The following CFAP20DC variants were observed in gnomAD, a reference collection of about 807,000 sequenced individuals.
CFAP20DC encodes protein CFAP20DC.
CFAP20DC carries 84 observed loss-of-function variants against 101.7 expected under a neutral mutation model. The observed-to-expected ratio is 0.83, with a 90% CI of 0.69 to 0.99. The LOEUF is 0.99. Among genes scored for constraint, CFAP20DC ranks in the 50% least tolerant of loss-of-function variants. The probability of loss-of-function intolerance (pLI) is 0.00; values close to 1 mark genes in which losing one functional copy is unlikely to be tolerated. For synonymous variants in CFAP20DC, 359 were observed against 351.2 expected, an observed-to-expected ratio of 1.02 and a Z score of -0.25; for missense variants, 1,007 against 970.3, an observed-to-expected ratio of 1.04 and a Z score of -0.50.
At chr3:58,990,362 T>A (rs1035549679) in intron 4 of CFAP20DC, among the ~76,000 whole-genome samples, 4 of 152,232 alleles carry the variant, frequency 2.6e-5, no homozygotes, top group Admixed American at 2.0e-4. Context: ...TGGTTTTGTA[T>A]ACGTGTATTA....
intron 15 of CFAP20DC, among the ~76,000 whole-genome samples, chr3:58,786,434 C>A (rs568231163): frequency 1.3e-5 from 2 of 152,238 alleles, no homozygotes; most frequent in African/African-American, 4.8e-5. Context: ...TGAGGTCAAT[C>A]ATGGTCCAAA....
At chr3:58,800,695 C>T (rs1196554175) in intron 15 of CFAP20DC, among the ~76,000 whole-genome samples, 1 of 151,984 alleles carries the variant, frequency 6.6e-6, no homozygotes, top group Admixed American at 6.6e-5. Flanking sequence ...TTACCAGTGC[C>T]TATGGATCTT....
At chr3:59,026,364 A>G (rs550355013) in intron 4 of CFAP20DC, among the ~76,000 whole-genome samples, 1 of 152,328 alleles carries the variant, frequency 6.6e-6, no homozygotes, top group Admixed American at 6.5e-5. Flanking sequence ...TGGTGACATA[A>G]AAGATTTCAC....
At chr3:58,809,713 T>C (rs935780660) in intron 14 of CFAP20DC, among the ~76,000 whole-genome samples, 4 of 152,128 alleles carry the variant, frequency 2.6e-5, no homozygotes, top group South Asian at 4.2e-4. Flanking sequence ...AGAGCAGGAC[T>C]GAGGGAAATA....
At chr3:58,764,898 T>A (rs1248983519) in intron 15 of CFAP20DC, among the ~76,000 whole-genome samples, 2 of 152,166 alleles carry the variant, frequency 1.3e-5, no homozygotes, top group African/African-American at 4.8e-5. Context: ...TATTGAGTAC[T>A]CTGCAAGAAG....
Position 58,890,321 on chromosome 3 carries a change from C to T in CFAP20DC, c.551-5612G>A, listed in dbSNP as rs555252170. ...TCCGGGCGGGGGGCTGACCCCCCCA[C>T]CTCCCTCCCGGACGGGGCGGCTGGC... On this transcript the variant is annotated intron_variant, in intron 6 of 16. Coordinates refer to ENST00000482387, the MANE Select transcript of CFAP20DC (RefSeq NM_001394063.1). 3.5e-3 allele frequency among the ~76,000 whole-genome samples: 507 copies of T among 145,544 alleles called. 2 individuals carry two copies. Among genetic ancestry groups the T allele is most frequent in the Admixed American group, 5.2e-3 (77 of 14,872 alleles).
intron 6 of CFAP20DC, among the ~76,000 whole-genome samples, chr3:58,900,821 C>T (rs1004941284): frequency 6.6e-6 from 1 of 152,220 alleles, no homozygotes; most frequent in Admixed American, 6.5e-5. Context: ...TTTCTTTGGC[C>T]ATAAAGCCAT....
intron 3 of CFAP20DC, among the ~76,000 whole-genome samples, chr3:58,718,488 T>C (rs1251338787): frequency 6.6e-6 from 1 of 152,170 alleles, no homozygotes; most frequent in African/African-American, 2.4e-5. Context: ...CTGTCCACTC[T>C]GGGGCACCTG....
At chr3:58,902,316 G>T (rs529394443) in intron 6 of CFAP20DC, among the ~76,000 whole-genome samples, 1 of 152,256 alleles carries the variant, frequency 6.6e-6, no homozygotes, top group East Asian at 1.9e-4. Context: ...ACCTAGGAAT[G>T]GAAATGTAGG....
chr3:58,969,596 A>G (rs2091824244), intron 4 of CFAP20DC, among the ~76,000 whole-genome samples: 2 of 152,226 alleles, frequency 1.3e-5, no homozygotes, highest in Admixed American at 1.3e-4. Context: ...AAGTTAACTA[A>G]TAAAATATGG....
At chr3:58,933,208 A>G (rs2086976329) in intron 5 of CFAP20DC, among the ~76,000 whole-genome samples, 1 of 152,132 alleles carries the variant, frequency 6.6e-6, no homozygotes, top group African/African-American at 2.4e-5. Flanking sequence ...GATCAATTCA[A>G]CAAGAACAGC....
chr3:58,782,140 T>C (rs1050699449), intron 15 of CFAP20DC, among the ~76,000 whole-genome samples: 3 of 152,046 alleles, frequency 2.0e-5, no homozygotes, highest in Admixed American at 6.6e-5. Flanking sequence ...GTAAATGTGA[T>C]ACATCGCATT....
At position 58,808,214 on chromosome 3, in the gene CFAP20DC, C is replaced by T. The variant is rs527489599; in HGVS notation, c.2176-1758G>A. On this transcript the variant is annotated intron_variant, in intron 14 of 16. Transcript: ENST00000482387. Reference sequence around the variant, plus strand: ...ATTCAGATTCAGGAAATACAGAGAACGCCACAAAGACACTCCTCCAGAAGA... The same window carrying T: ...ATTCAGATTCAGGAAATACAGAGAATGCCACAAAGACACTCCTCCAGAAGA... Among the ~76,000 whole-genome samples, 90 of 152,196 alleles carry T rather than the reference C, an allele frequency of 5.9e-4. No individual in the cohort carries two copies. In the Middle Eastern group the frequency reaches 0.01, roughly 17 times the overall value.
At chr3:58,843,209 G>C (rs375159388) in intron 13 of CFAP20DC, among the ~76,000 whole-genome samples, 1 of 152,078 alleles carries the variant, frequency 6.6e-6, no homozygotes, top group Admixed American at 6.5e-5. Context: ...ATGATCAAAT[G>C]ACTCTGAGCT....
intron 7 of CFAP20DC, among the ~76,000 whole-genome samples, chr3:58,873,576 G>A (rs2080457388): frequency 6.6e-6 from 1 of 151,130 alleles, no homozygotes; most frequent in African/African-American, 2.4e-5. Flanking sequence ...AGTCTGGATA[G>A]CTATGGTGGA....
downstream of CFAP20DC, among the ~76,000 whole-genome samples, chr3:58,738,401 T>A (rs958192163): frequency 4.6e-5 from 7 of 152,152 alleles, no homozygotes; most frequent in Non-Finnish European, 1.0e-4. The surrounding 1 kb of genome is among the most constrained non-coding windows in gnomAD (Gnocchi z 4.4). Flanking sequence ...CCATGTGTTC[T>A]CATTGTTCAG....
At chr3:58,970,100 G>A (rs1164700969) in intron 4 of CFAP20DC, among the ~76,000 whole-genome samples, 1 of 152,106 alleles carries the variant, frequency 6.6e-6, no homozygotes, top group African/African-American at 2.4e-5. Context: ...AATTTTAGGA[G>A]AAAGGTATAG....
chr3:58,719,321 A>G (rs2067438017), intron 3 of CFAP20DC, among the ~76,000 whole-genome samples: 2 of 152,178 alleles, frequency 1.3e-5, no homozygotes, highest in Non-Finnish European at 1.5e-5. Flanking sequence ...ATACTGAGTG[A>G]GTAGCGTTCT....
chr3:58,870,881 C>A (rs1315534165), intron 7 of CFAP20DC, among the ~76,000 whole-genome samples: 2 of 99,850 alleles, frequency 2.0e-5, no homozygotes, highest in South Asian at 3.4e-4. Context: ...GGCGACAGAG[C>A]GAGACTCCGT....
Sources: gnomAD v4.1 joint callset for allele counts (sites outside exome capture counted in the v4.1 genomes callset) on GRCh38, gnomAD v4.1.1 for gene constraint, Gnocchi (gnomAD v3.1) non-coding constraint, MANE v1.5 for transcripts, NCBI Gene and HGNC (gene_info 2026-07-23, HGNC 2026-07-21) for gene names.